The following PAPPA variants were observed in gnomAD, a reference collection of about 807,000 sequenced individuals.
PAPPA encodes the protein pappalysin 1.
In PAPPA, 60 loss-of-function variants were observed where a neutral mutation model predicts 164.0. The ratio of observed to expected loss-of-function variants is 0.37; its 90% CI spans 0.30 to 0.45. PAPPA has a LOEUF of 0.45. Among genes scored for constraint, PAPPA ranks in the 20% least tolerant of loss-of-function variants. The probability of loss-of-function intolerance (pLI) is 1.00; values close to 1 mark genes in which losing one functional copy is unlikely to be tolerated. For missense variants in PAPPA, 1,782 were observed against 2,087.3 expected (o/e 0.85, Z 2.85); for synonymous variants, 875 against 814.1 (o/e 1.07, Z -1.27).
chr9:116,283,574 T>C (rs1845292696), intron 9 of PAPPA, among the ~76,000 whole-genome samples: 1 of 152,154 alleles, frequency 6.6e-6, no homozygotes, highest in African/African-American at 2.4e-5. Flanking sequence ...CTGAATGGGA[T>C]GCTCTTCAAG....
chr9:116,314,060 CTTTTTTTTTTTT>C (rs57871796), intron 10 of PAPPA, among the ~76,000 whole-genome samples: 2,028 of 69,664 alleles, frequency 0.029, 32 homozygotes, highest in African/African-American at 0.07. Flanking sequence ...TGCATCGAAT[CTTTTTTTTTTTT>C]TTTTTTTTTT....
chr9:116,363,340 A>G (rs1846454764), intron 18 of PAPPA, among the ~76,000 whole-genome samples: 1 of 152,076 alleles, frequency 6.6e-6, no homozygotes, highest in Non-Finnish European at 1.5e-5. Flanking sequence ...ATCCTATTCC[A>G]AAGTCTGACT....
rs1843787438 is a variant in PAPPA at position 116,172,677 on chromosome 9, C to T, written c.416-14477C>T. On this transcript the variant is annotated intron_variant, in intron 1 of 21. Transcript: ENST00000328252. ...TTGAGCTTACAGTGTTCTTGGCCTC[C>T]TCCTCATCAATCTTCTCTGTTTCAT... 2.6e-5 allele frequency among the ~76,000 whole-genome samples: 4 copies of T among 152,134 alleles called. No homozygotes were observed. In the South Asian group the frequency reaches 8.3e-4, roughly 31 times the overall value.
intron 15 of PAPPA, among the ~76,000 whole-genome samples, chr9:116,350,625 A>C (rs994580579): frequency 6.6e-6 from 1 of 152,308 alleles, no homozygotes; most frequent in South Asian, 2.1e-4. Flanking sequence ...AAGAGTCCCA[A>C]CACCTTTTCC....
chr9:116,284,310 T>A (rs1222229781), intron 9 of PAPPA, among the ~76,000 whole-genome samples: 7 of 152,164 alleles, frequency 4.6e-5, no homozygotes, highest in Non-Finnish European at 8.8e-5. Context: ...CAAACAGACA[T>A]ATTTCAATAT....
chr9:116,385,012 T>C (rs921940759), intron 21 of PAPPA, among the ~76,000 whole-genome samples: 6 of 151,896 alleles, frequency 4.0e-5, no homozygotes, highest in African/African-American at 7.2e-5. Flanking sequence ...ACAGAGTGCA[T>C]TGTGGGAATA....
intron 2 of PAPPA, among the ~76,000 whole-genome samples, chr9:116,203,535 G>C (rs560711402): frequency 6.6e-6 from 1 of 152,308 alleles, no homozygotes; most frequent in African/African-American, 2.4e-5. Context: ...AGGGGGCACA[G>C]AGGAAGGAGG....
At chr9:116,247,988 A>T (rs574508597) in intron 7 of PAPPA, among the ~76,000 whole-genome samples, 1 of 152,342 alleles carries the variant, frequency 6.6e-6, no homozygotes, top group African/African-American at 2.4e-5. Context: ...ACTTGCAAGA[A>T]CATGATGCAA....
At chr9:116,156,581 AAAAAT>A (rs1843608100) in intron 1 of PAPPA, among the ~76,000 whole-genome samples, 1 of 151,974 alleles carries the variant, frequency 6.6e-6, no homozygotes, top group Non-Finnish European at 1.5e-5. Flanking sequence ...TCAAAACGAA[AAAAAT>A]AAAATAAATA....
At chr9:116,376,779 G>A (rs899750311) in intron 19 of PAPPA, among the ~76,000 whole-genome samples, 2 of 152,170 alleles carry the variant, frequency 1.3e-5, no homozygotes, top group Non-Finnish European at 2.9e-5. Context: ...ACAAAATGGG[G>A]AAGGGCATTC....
intron 18 of PAPPA, among the ~76,000 whole-genome samples, chr9:116,367,347 TTTG>T (rs1420962005): frequency 1.3e-5 from 2 of 152,132 alleles, no homozygotes; most frequent in African/African-American, 4.8e-5. Flanking sequence ...GGGGCTGTAT[TTTG>T]TTCTGGATGT....
At chr9:116,239,503 A>G (rs1183942422) in intron 7 of PAPPA, among the ~76,000 whole-genome samples, 2 of 152,178 alleles carry the variant, frequency 1.3e-5, no homozygotes, top group Non-Finnish European at 1.5e-5. Flanking sequence ...AAGGAATTCA[A>G]TAGGGATTAT....
intron 9 of PAPPA, among the ~76,000 whole-genome samples, chr9:116,276,179 T>C (rs1049870061): frequency 1.3e-5 from 2 of 152,234 alleles, no homozygotes; most frequent in African/African-American, 4.8e-5. Flanking sequence ...GAATTCTGTC[T>C]CTAAAGCATT....
Position 116,334,886 on chromosome 9 carries a change from C to T in PAPPA, c.3423C>T (p.Asn1141=). Residue 1141 remains asparagine (N), a synonymous_variant, in exon 13 of 22, where the codon AAC becomes AAT. Coordinates refer to ENST00000328252, the MANE Select transcript of PAPPA (RefSeq NM_002581.5). ...GCCTCCATGTCCTGAGCTGCAGGAA[C>T]AATCCCCTGATTATCCCTGTGGTCC... ...DLGLHVLSCR[N]NPLIIPVVHD... The T allele has an allele frequency of 6.2e-7, 1 of 1,613,898 alleles. No homozygotes were observed. The highest frequency in any genetic ancestry group is 2.2e-5 in the East Asian group (1 of 44,844).
chr9:116,354,839 G>T (rs1199913166), intron 17 of PAPPA, among the ~76,000 whole-genome samples: 1 of 152,080 alleles, frequency 6.6e-6, no homozygotes, highest in Non-Finnish European at 1.5e-5. Context: ...CAATCTCTCT[G>T]AACCAGGAGC....
At chr9:116,259,412 A>G (rs1844974774) in intron 7 of PAPPA, among the ~76,000 whole-genome samples, 1 of 152,110 alleles carries the variant, frequency 6.6e-6, no homozygotes, top group East Asian at 1.9e-4. Context: ...ATTATAAAGA[A>G]TTAATATCCA....
At chr9:116,251,403 C>A (rs997732561) in intron 7 of PAPPA, among the ~76,000 whole-genome samples, 2 of 152,158 alleles carry the variant, frequency 1.3e-5, no homozygotes, top group African/African-American at 2.4e-5. Flanking sequence ...GTGCCAAATT[C>A]GAAAATGCTG....
intron 9 of PAPPA, among the ~76,000 whole-genome samples, chr9:116,284,545 C>CTT (rs61248033): frequency 0.16 from 13,941 of 88,340 alleles, 1,301 homozygotes; most frequent in East Asian, 0.29. Flanking sequence ...TAGTCTGGGC[C>CTT]TTTTTTTTTT....
At chr9:116,324,293 T>C (rs1261321862) in intron 10 of PAPPA, among the ~76,000 whole-genome samples, 1 of 152,188 alleles carries the variant, frequency 6.6e-6, no homozygotes, top group African/African-American at 2.4e-5. Flanking sequence ...CTCGATTTTG[T>C]TATCTGTAAA....
Sources: allele counts gnomAD v4.1 joint callset (sites outside exome capture counted in the v4.1 genomes callset), GRCh38; gene constraint gnomAD v4.1.1; transcripts MANE v1.5; gene names NCBI Gene and HGNC (gene_info 2026-07-23, HGNC 2026-07-21).